The following STN1 variants were observed in gnomAD, a reference collection of about 807,000 sequenced individuals.
The protein encoded by STN1 is CST complex subunit STN1.
Under a neutral mutation model 45.5 loss-of-function variants are expected in STN1, and 29 were observed. That is an observed-to-expected ratio of 0.64 (90% CI 0.47 to 0.87). The LOEUF (loss-of-function observed/expected upper bound fraction) is 0.87, where lower values mean the gene tolerates loss of function less well. Ranked by LOEUF, STN1 falls within the 40% of genes least tolerant of loss-of-function variation. The pLI is 0.00. For synonymous variants in STN1, 148 were observed against 159.0 expected (o/e 0.93, Z 0.52); for missense variants, 376 against 441.4 (o/e 0.85, Z 1.33).
At chr10:103,883,396 T>C (rs192957431) in intron 9 of STN1, among the ~76,000 whole-genome samples, 2 of 152,110 alleles carry the variant, frequency 1.3e-5, no homozygotes. Flanking sequence ...TAACCTCTTA[T>C]GCTCTGCCCC....
chr10:103,914,150 A>T (rs1489333923), intron 2 of STN1, among the ~76,000 whole-genome samples: 1 of 152,086 alleles, frequency 6.6e-6, no homozygotes, highest in East Asian at 1.9e-4. Context: ...ACCAGATTTA[A>T]TATAATTCTT....
At chr10:103,902,530 A>G (rs1184585099) in intron 4 of STN1, among the ~76,000 whole-genome samples, 7 of 152,214 alleles carry the variant, frequency 4.6e-5, no homozygotes, top group Non-Finnish European at 1.0e-4. Context: ...AGCCTGACAG[A>G]ACTTCACTTT....
intron 3 of STN1, among the ~76,000 whole-genome samples, chr10:103,909,374 ATATATGTATATATATG>A (rs1241625895): frequency 1.9e-4 from 18 of 92,458 alleles, no homozygotes; most frequent in East Asian, 5.1e-4. Context: ...AAATATATAT[ATATATGTATATATATG>A]TATATATGTA....
At chr10:103,890,559 G>T (rs7085592) in intron 8 of STN1, among the ~76,000 whole-genome samples, 151,880 of 152,286 alleles carry the variant, frequency 1, 75,745 homozygotes, top group Middle Eastern at 1. Flanking sequence ...TGGGAGGAAA[G>T]GTGTGTCCCA....
At chr10:103,900,728 A>ACT (rs767287429) in intron 4 of STN1, among the ~76,000 whole-genome samples, 9 of 45,976 alleles carry the variant, frequency 2.0e-4, no homozygotes, top group South Asian at 2.8e-3. Context: ...ACACACACAC[A>ACT]CACTCTCTCT....
chr10:103,896,618 CTT>C (rs1221696133), intron 7 of STN1, among the ~76,000 whole-genome samples: 1 of 151,882 alleles, frequency 6.6e-6, no homozygotes, highest in East Asian at 1.9e-4. Context: ...ATGGAGATAA[CTT>C]TTTCTTTTTT....
At position 103,879,738 on chromosome 10, in the gene STN1, G is replaced by T; in HGVS notation, c.*2946C>A. 1 of 153,158 alleles carries T rather than the reference G, an allele frequency of 6.5e-6. No homozygotes were observed. Among genetic ancestry groups the T allele is most frequent in the Non-Finnish European group, 1.5e-5 (1 of 68,634 alleles). The allele number at this position is 153,158 out of a possible 1,614,324, so 9.5% of individuals were successfully genotyped here. A position where few individuals can be genotyped will look rare whatever the true frequency, so the allele number is the denominator to read the frequency against. ...CTGTGAACAGCCCAAGAGGGGCCAGGGCGGAAGCAGAGAGGACTGAGGAGG... is the reference window on the plus strand; with the variant it reads ...CTGTGAACAGCCCAAGAGGGGCCAGTGCGGAAGCAGAGAGGACTGAGGAGG... On this transcript the variant is annotated 3_prime_UTR_variant, in exon 10 of 10. Coordinates refer to ENST00000224950, the MANE Select transcript of STN1 (RefSeq NM_024928.5).
chr10:103,915,805 G>A (rs905276762), intron 2 of STN1, among the ~76,000 whole-genome samples: 6 of 152,022 alleles, frequency 3.9e-5, no homozygotes, highest in Admixed American at 6.6e-5. Context: ...CAATTTTTCC[G>A]GGGATGGGGG....
chr10:103,895,707 GT>G (rs1468839144), intron 7 of STN1, among the ~76,000 whole-genome samples: 1 of 152,232 alleles, frequency 6.6e-6, no homozygotes, highest in Admixed American at 6.5e-5. Flanking sequence ...CTGAGAAGCA[GT>G]GGTCATGCCC....
intron 2 of STN1, among the ~76,000 whole-genome samples, chr10:103,912,249 G>T (rs1375345440): frequency 6.6e-6 from 1 of 151,900 alleles, no homozygotes; most frequent in East Asian, 1.9e-4. Flanking sequence ...ATAGAGATGG[G>T]GTCTCTCCCT....
At chr10:103,893,718 C>T (rs1181972093) in intron 7 of STN1, among the ~76,000 whole-genome samples, 3 of 152,114 alleles carry the variant, frequency 2.0e-5, no homozygotes, top group Non-Finnish European at 4.4e-5. Context: ...CAAGTCCGTC[C>T]CAAAGTAACC....
At chr10:103,917,744 G>A (rs1490769071) in intron 1 of STN1, 88 bp from the exon 2 acceptor site, 1 of 777,728 alleles carries the variant, frequency 1.3e-6, no homozygotes, top group African/African-American at 1.7e-5. Context: ...TGGGCGTCCA[G>A]GACTCCAGGA....
At position 103,882,609 on chromosome 10, in the gene STN1, T is replaced by C. The variant is rs1216593504; in HGVS notation, c.*75A>G. 2 of 1,466,854 alleles carry C rather than the reference T, an allele frequency of 1.4e-6. No individual in the cohort carries two copies. The highest frequency in any genetic ancestry group is 2.1e-5 in the Admixed American group (1 of 48,440). The allele number at this position is 1,466,854 out of a possible 1,614,324, so 90.9% of individuals were successfully genotyped here. ...GCCTCCAGACAGATAAGCCCCTGCA[T>C]GATGCTGAAAGTCAGAGCCTGGGGG... On this transcript the variant is annotated 3_prime_UTR_variant, in exon 10 of 10. Coordinates refer to ENST00000224950, the MANE Select transcript of STN1 (RefSeq NM_024928.5).
intron 3 of STN1, among the ~76,000 whole-genome samples, chr10:103,908,599 T>G (rs1843259612): frequency 6.6e-6 from 1 of 152,178 alleles, no homozygotes; most frequent in Non-Finnish European, 1.5e-5. Context: ...AGAATTAAAG[T>G]TGCAAAAGCC....
chr10:103,905,419 G>C (rs1055966187), intron 3 of STN1, among the ~76,000 whole-genome samples: 1 of 152,178 alleles, frequency 6.6e-6, no homozygotes, highest in Non-Finnish European at 1.5e-5. Flanking sequence ...AGGTACTAAC[G>C]ATTAGTACCC....
At chr10:103,891,083 C>T (rs1843136613) in intron 8 of STN1, among the ~76,000 whole-genome samples, 1 of 152,156 alleles carries the variant, frequency 6.6e-6, no homozygotes, top group African/African-American at 2.4e-5. Context: ...CTGTGTTGAC[C>T]AAAAGCTTAA....
chr10:103,910,672 G>T, intron 2 of STN1, 50 bp from the exon 3 acceptor site: 1 of 1,045,128 alleles, frequency 9.6e-7, no homozygotes, highest in Non-Finnish European at 1.5e-6. Context: ...TACATTTTCT[G>T]CTTCAATAAA....
intron 4 of STN1, among the ~76,000 whole-genome samples, chr10:103,904,701 A>T (rs2475213): frequency 0.29 from 44,471 of 152,098 alleles, 7,793 homozygotes; most frequent in East Asian, 0.64. Flanking sequence ...ACCATGTGAG[A>T]GAAACAGTCT....
intron 2 of STN1, among the ~76,000 whole-genome samples, chr10:103,914,915 G>GATGTT (rs1843319328): frequency 6.6e-6 from 1 of 152,162 alleles, no homozygotes; most frequent in African/African-American, 2.4e-5. Flanking sequence ...CAAGTTTTGT[G>GATGTT]AGAGTCCTCA....
Sources: gnomAD v4.1 joint callset for allele counts (sites outside exome capture counted in the v4.1 genomes callset) on GRCh38, gnomAD v4.1.1 for gene constraint, MANE v1.5 for transcripts, NCBI Gene and HGNC (gene_info 2026-07-23, HGNC 2026-07-21) for gene names.